Variants in LAMA3 observed in about 807,000 individuals in gnomAD.
The protein encoded by LAMA3 is laminin subunit alpha 3.
Under a neutral mutation model 402.0 loss-of-function variants are expected in LAMA3, and 281 were observed. That is an observed-to-expected ratio of 0.70 (90% CI 0.63 to 0.77). The LOEUF is 0.77. Ranked by LOEUF, LAMA3 falls within the 30% of genes least tolerant of loss-of-function variation. The pLI, the probability that LAMA3 is intolerant of heterozygous loss-of-function variation, is 0.00. For synonymous variants in LAMA3, 1,431 were observed against 1,558.4 expected (o/e 0.92, Z 1.93); for missense variants, 3,840 against 4,215.5 (o/e 0.91, Z 2.47).
chr18:23,880,304 C>A (rs991230493), intron 39 of LAMA3, among the ~76,000 whole-genome samples: 6 of 152,214 alleles, frequency 3.9e-5, no homozygotes, highest in African/African-American at 1.4e-4. Flanking sequence ...ACGTGAGCAG[C>A]ATCCTACTTT....
At chr18:23,917,136 C>T (rs1272030583) in intron 60 of LAMA3, among the ~76,000 whole-genome samples, 1 of 152,100 alleles carries the variant, frequency 6.6e-6, no homozygotes, top group African/African-American at 2.4e-5. Context: ...TTTTCTGTTC[C>T]TACGTTCGTT....
intron 25 of LAMA3, 33 bp from the exon 26 acceptor site, chr18:23,838,748 A>G: frequency 8.1e-7 from 1 of 1,235,020 alleles, no homozygotes; most frequent in Admixed American, 1.7e-5. Flanking sequence ...TGGTAACTGC[A>G]ATGTGCCTTT....
intron 5 of LAMA3, among the ~76,000 whole-genome samples, chr18:23,751,661 G>T (rs2061754893): frequency 6.6e-6 from 1 of 152,182 alleles, no homozygotes. Context: ...TAGATGCAAG[G>T]AGGCTGGGTG....
At chr18:23,868,622 A>G (rs2064426709) in intron 37 of LAMA3, among the ~76,000 whole-genome samples, 2 of 152,188 alleles carry the variant, frequency 1.3e-5, no homozygotes, top group Admixed American at 1.3e-4. Context: ...AAACAAACAA[A>G]CAAACAAAAA....
Position 23,839,419 on chromosome 18 carries a change from T to C in LAMA3, c.3192-366T>C, listed in dbSNP as rs1328606018. On this transcript the variant is annotated intron_variant, in intron 26 of 74. Coordinates refer to ENST00000313654, the MANE Select transcript of LAMA3 (RefSeq NM_198129.4). The surrounding 1 kb of genome is among the most constrained non-coding windows in gnomAD (Gnocchi z 4.5). ...GCGTAAAAGAGACGATGTATATTTT[T>C]TCTTTCTTATATAGTGTTCTGTCAA... Among the ~76,000 whole-genome samples, 1 of 152,232 alleles carries C rather than the reference T, an allele frequency of 6.6e-6. No homozygotes were observed. Among genetic ancestry groups the C allele is most frequent in the Non-Finnish European group, 1.5e-5 (1 of 68,036 alleles).
intron 6 of LAMA3, among the ~76,000 whole-genome samples, chr18:23,756,421 T>A (rs1175457960): frequency 2.0e-5 from 3 of 149,360 alleles, no homozygotes; most frequent in East Asian, 3.9e-4. Context: ...AACGACGGCA[T>A]GCGGGGACAC....
chr18:23,754,531 G>C (rs750480857), intron 6 of LAMA3, among the ~76,000 whole-genome samples: 6 of 152,216 alleles, frequency 3.9e-5, no homozygotes, highest in Non-Finnish European at 1.5e-5. Context: ...AAGCTGAACA[G>C]TATTTCCTTG....
intron 1 of LAMA3, chr18:23,710,327 T>C: frequency 2.1e-6 from 1 of 467,846 alleles, no homozygotes; most frequent in South Asian, 2.1e-5. Flanking sequence ...AAAAGTATTG[T>C]CAGGTATTGC....
At chr18:23,921,655 T>A in intron 62 of LAMA3, 70 bp downstream of exon 62, 2 of 1,507,654 alleles carry the variant, frequency 1.3e-6, no homozygotes, top group Non-Finnish European at 1.8e-6. Flanking sequence ...AAAAAAAATC[T>A]GGTCTGCCAT....
intron 19 of LAMA3, among the ~76,000 whole-genome samples, chr18:23,821,626 G>A (rs993851409): frequency 2.6e-5 from 4 of 152,180 alleles, no homozygotes; most frequent in Non-Finnish European, 4.4e-5. Flanking sequence ...GTGAGCCCAG[G>A]CCCTGGGGAC....
chr18:23,820,495 A>G (rs1482415831), intron 19 of LAMA3, among the ~76,000 whole-genome samples: 5 of 152,180 alleles, frequency 3.3e-5, no homozygotes. Context: ...AATGTTTGTT[A>G]GTTAAGTGCT....
chr18:23,886,167 A>C (rs750356785), intron 41 of LAMA3, among the ~76,000 whole-genome samples: 1 of 152,220 alleles, frequency 6.6e-6, no homozygotes, highest in East Asian at 1.9e-4. Context: ...TTGTGTATGC[A>C]TATCCTCAAG....
chr18:23,757,084 C>T (rs1039934999), intron 6 of LAMA3, among the ~76,000 whole-genome samples: 2 of 151,914 alleles, frequency 1.3e-5, no homozygotes, highest in African/African-American at 4.8e-5. Context: ...AACAGGGAGG[C>T]GCGTGCTTCC....
chr18:23,790,810 A>G (rs558325096), intron 12 of LAMA3, among the ~76,000 whole-genome samples: 2 of 152,144 alleles, frequency 1.3e-5, no homozygotes, highest in African/African-American at 4.8e-5. Flanking sequence ...ACTCTGTCTT[A>G]TTTTTTACCA....
chr18:23,750,432 G>GTTTTTTTTTTTTT (rs66582854), intron 4 of LAMA3, among the ~76,000 whole-genome samples: 1 of 33,008 alleles, frequency 3.0e-5, no homozygotes, highest in Non-Finnish European at 5.0e-5. Context: ...GGTTTACACA[G>GTTTTTTTTTTTTT]TTTTTTTTTT....
intron 62 of LAMA3, among the ~76,000 whole-genome samples, chr18:23,924,445 C>A (rs991274106): frequency 1.3e-5 from 2 of 152,120 alleles, no homozygotes; most frequent in Non-Finnish European, 2.9e-5. Context: ...AGCCACCATG[C>A]CTGGCCTAGA....
At chr18:23,749,227 G>A (rs2061702628) in intron 3 of LAMA3, among the ~76,000 whole-genome samples, 1 of 152,202 alleles carries the variant, frequency 6.6e-6, no homozygotes, top group Non-Finnish European at 1.5e-5. Context: ...CATTGCCACT[G>A]AAAGTCAACT....
At chr18:23,889,949 A>G (rs1329933850) in intron 41 of LAMA3, 62 bp from the exon 42 acceptor site, 2 of 1,248,480 alleles carry the variant, frequency 1.6e-6, no homozygotes, top group Non-Finnish European at 2.4e-6. Context: ...AGATTGAGAA[A>G]ATTGGTTGAG....
chr18:23,890,252 T>C (rs1355784121), intron 42 of LAMA3, 135 bp downstream of exon 42: 8 of 703,420 alleles, frequency 1.1e-5, no homozygotes, highest in Non-Finnish European at 2.1e-5. Flanking sequence ...GGATGCATAA[T>C]ACACAATTCC....
Sources: allele counts gnomAD v4.1 joint callset (sites outside exome capture counted in the v4.1 genomes callset), GRCh38; gene constraint gnomAD v4.1.1; non-coding constraint Gnocchi (gnomAD v3.1); transcripts MANE v1.5; gene names NCBI Gene and HGNC (gene_info 2026-07-23, HGNC 2026-07-21).